Variants in PCDHGB2 observed in about 807,000 individuals in gnomAD.
PCDHGB2 encodes the protein protocadherin gamma subfamily B, 2.
A neutral mutation model predicts 59.3 loss-of-function variants in PCDHGB2; 55 were observed. The ratio of observed to expected loss-of-function variants is 0.93; its 90% CI spans 0.75 to 1.16. PCDHGB2 has a LOEUF of 1.16. Among genes scored for constraint, PCDHGB2 ranks in the 50% most tolerant of loss-of-function variants. The probability of loss-of-function intolerance (pLI) is 0.00; values close to 1 mark genes in which losing one functional copy is unlikely to be tolerated. For missense variants in PCDHGB2, 1,228 were observed against 1,198.5 expected (o/e 1.02, Z -0.36); for synonymous variants, 516 against 512.0 (o/e 1.01, Z -0.11).
chr5:141,509,233 AG>A (rs1204393769), intron 3 of PCDHGB2, among the ~76,000 whole-genome samples: 1 of 152,104 alleles, frequency 6.6e-6, no homozygotes, highest in Non-Finnish European at 1.5e-5. Context: ...TTGATGTCCC[AG>A]GATTACTCAG....
At chr5:141,415,871 G>T (rs2095966585) in intron 1 of PCDHGB2, 2 of 1,074,308 alleles carry the variant, frequency 1.9e-6, no homozygotes, top group South Asian at 2.3e-5. Context: ...TAGTGTTGTT[G>T]AGTACAATAT....
intron 1 of PCDHGB2, chr5:141,404,260 T>G: frequency 6.2e-7 from 1 of 1,613,910 alleles, no homozygotes; most frequent in Non-Finnish European, 8.5e-7. Context: ...CCACAGAAAT[T>G]CACATCACCC....
In PCDHGB2 at chr5:141,432,167, T is replaced by G. The variant is rs559707772; in HGVS notation, c.2422-62640T>G. The G allele has an allele frequency of 1.4e-5, 22 of 1,613,962 alleles. No homozygotes were observed. The highest frequency in any genetic ancestry group is 9.3e-5 in the African/African-American group (7 of 74,972). On this transcript the variant is annotated intron_variant, in intron 1 of 3. Coordinates refer to ENST00000522605, the MANE Select transcript of PCDHGB2 (RefSeq NM_018923.3). The surrounding 1 kb of genome is among the most constrained non-coding windows in gnomAD (Gnocchi z 6.0). Reference sequence around the variant, plus strand: ...CCCAGAGAACAATCCCAGAGGAGTTTCCCTCGTCTCTGTGACCGCCCACGA... The same window carrying G: ...CCCAGAGAACAATCCCAGAGGAGTTGCCCTCGTCTCTGTGACCGCCCACGA...
At chr5:141,500,499 G>A (rs531501031) in intron 2 of PCDHGB2, among the ~76,000 whole-genome samples, 11 of 151,970 alleles carry the variant, frequency 7.2e-5, no homozygotes, top group African/African-American at 2.7e-4. Context: ...GTGAGCCACC[G>A]CGCCTGGCCG....
chr5:141,469,753 T>C (rs564585597), intron 1 of PCDHGB2, among the ~76,000 whole-genome samples: 1 of 152,322 alleles, frequency 6.6e-6, no homozygotes, highest in East Asian at 1.9e-4. Flanking sequence ...ATTACAAAAA[T>C]ACATATATAC....
chr5:141,425,242 G>A (rs2096863400), intron 1 of PCDHGB2, among the ~76,000 whole-genome samples: 1 of 152,128 alleles, frequency 6.6e-6, no homozygotes, highest in South Asian at 2.1e-4. Context: ...TAAATAAAAA[G>A]GATATGAGGT....
chr5:141,396,595 G>C (rs1227428439), intron 1 of PCDHGB2: 1 of 151,972 alleles, frequency 6.6e-6, no homozygotes, highest in African/African-American at 2.4e-5. Flanking sequence ...ACTCCAGCCT[G>C]GGCAACAGGG....
Position 141,487,125 on chromosome 5 carries a change from G to A in PCDHGB2, c.2422-7682G>A. 6.2e-7 allele frequency: 1 copy of A among 1,614,112 alleles called. No homozygotes were observed. The highest frequency in any genetic ancestry group is 8.5e-7 in the Non-Finnish European group (1 of 1,179,994). The stretch of plus-strand genomic sequence containing the variant: ...CTGGTCATTGTGGTAAAGGATAGTG[G>A]TAGTCCACCACTCTCTACCTCTGTT... On this transcript the variant is annotated intron_variant, in intron 1 of 3. Coordinates refer to ENST00000522605, the MANE Select transcript of PCDHGB2 (RefSeq NM_018923.3). This position sits in a 1 kb window ranked among gnomAD's most constrained non-coding sequence, Gnocchi z 5.0.
chr5:141,367,545 T>TAAAA (rs1466224811), intron 1 of PCDHGB2: 1 of 145,462 alleles, frequency 6.9e-6, no homozygotes, highest in African/African-American at 2.5e-5. Flanking sequence ...TCAAAATAAA[T>TAAAA]AAATAAATAA....
At chr5:141,418,499 G>A (rs775606988) in intron 1 of PCDHGB2, 1 of 1,613,962 alleles carries the variant, frequency 6.2e-7, no homozygotes, top group Non-Finnish European at 8.5e-7. Context: ...GGTACTGACC[G>A]CCTTAGATGG....
chr5:141,500,234 A>T (rs2099798212), intron 2 of PCDHGB2, among the ~76,000 whole-genome samples: 1 of 148,996 alleles, frequency 6.7e-6, no homozygotes, highest in Non-Finnish European at 1.5e-5. Context: ...ATTGATACGT[A>T]GCCTTGCTCT....
Position 141,485,064 on chromosome 5 carries a change from G to C in PCDHGB2, c.2422-9743G>C, listed in dbSNP as rs1205637757. On this transcript the variant is annotated intron_variant, in intron 1 of 3. Transcript: ENST00000522605. The surrounding 1 kb of genome is among the most constrained non-coding windows in gnomAD (Gnocchi z 5.7). ...TTGCGGCGCCGGCCGAACCGCGCCA[G>C]AGCTGGCGCGGGGAAAGGGAGATAG... The C allele has an allele frequency of 4.9e-5, 43 of 882,320 alleles. No individual in the cohort carries two copies. The highest frequency in any genetic ancestry group is 7.4e-5 in the Non-Finnish European group (41 of 557,230). 54.7% of individuals were successfully genotyped at this position (882,320 alleles called of 1,614,324 possible).
At chr5:141,404,924 G>A in intron 1 of PCDHGB2, 1 of 1,613,908 alleles carries the variant, frequency 6.2e-7, no homozygotes, top group South Asian at 1.1e-5. Flanking sequence ...CTCGGCCACT[G>A]TCACGCTCAC....
At chr5:141,398,608 G>C in intron 1 of PCDHGB2, 4 of 1,614,062 alleles carry the variant, frequency 2.5e-6, no homozygotes, top group Non-Finnish European at 3.4e-6. Context: ...AGAAGATGCA[G>C]ATATTGGCTT....
intron 1 of PCDHGB2, among the ~76,000 whole-genome samples, chr5:141,456,266 C>G (rs1273258132): frequency 6.6e-6 from 1 of 152,128 alleles, no homozygotes; most frequent in Non-Finnish European, 1.5e-5. Context: ...TTGCTTCTGG[C>G]TACTTCCTGC....
chr5:141,476,820 T>C lies in PCDHGB2; in HGVS notation c.2422-17987T>C, dbSNP rs368919360. 6.2e-7 allele frequency: 1 copy of C among 1,613,594 alleles called. No individual in the cohort carries two copies. Among genetic ancestry groups the C allele is most frequent in the African/African-American group, 1.3e-5 (1 of 75,066 alleles). The stretch of plus-strand genomic sequence containing the variant: ...AGCCTGCCTATTCACATCAAGGTGC[T>C]GGACGCGAATGACAATGCGCCTGTC... On this transcript the variant is annotated intron_variant, in intron 1 of 3. Transcript: ENST00000522605. This position sits in a 1 kb window ranked among gnomAD's most constrained non-coding sequence, Gnocchi z 7.6.
chr5:141,413,019 C>A (rs1056458163), intron 1 of PCDHGB2: 24 of 683,104 alleles, frequency 3.5e-5, no homozygotes, highest in Non-Finnish European at 5.2e-5. Flanking sequence ...ACTACACAAG[C>A]CCCACAAACC....
intron 1 of PCDHGB2, chr5:141,392,171 C>A (rs1182647236): frequency 6.6e-6 from 1 of 152,216 alleles, no homozygotes; most frequent in African/African-American, 2.4e-5. Flanking sequence ...CTGAGTCAGT[C>A]ATCTCCAGTA....
At chr5:141,415,205 C>A (rs2095843771) in intron 1 of PCDHGB2, 2 of 1,614,040 alleles carry the variant, frequency 1.2e-6, no homozygotes, top group Non-Finnish European at 1.7e-6. Context: ...CAAGTCCTGG[C>A]GGACCTCGGC....
Sources: allele counts gnomAD v4.1 joint callset (sites outside exome capture counted in the v4.1 genomes callset), GRCh38; gene constraint gnomAD v4.1.1; non-coding constraint Gnocchi (gnomAD v3.1); transcripts MANE v1.5; gene names NCBI Gene and HGNC (gene_info 2026-07-23, HGNC 2026-07-21).